The following FIGN variants were observed in gnomAD, a reference collection of about 807,000 sequenced individuals.
The protein encoded by FIGN is fidgetin.
A neutral mutation model predicts 51.3 loss-of-function variants in FIGN; 11 were observed. The observed-to-expected ratio is 0.21, with a 90% CI of 0.13 to 0.35. FIGN has a LOEUF of 0.35. Among genes scored for constraint, FIGN ranks in the 10% least tolerant of loss-of-function variants. FIGN has a pLI of 1.00. For missense variants in FIGN, 857 were observed against 943.6 expected, an observed-to-expected ratio of 0.91 and a Z score of 1.20; for synonymous variants, 407 against 363.2, an observed-to-expected ratio of 1.12 and a Z score of -1.37.
At chr2:163,663,919 T>C (rs1683732741) in intron 2 of FIGN, among the ~76,000 whole-genome samples, 1 of 151,950 alleles carries the variant, frequency 6.6e-6, no homozygotes, top group African/African-American at 2.4e-5. Flanking sequence ...GATAGTTTAC[T>C]CTTTGGCCAG....
chr2:163,618,729 C>A (rs1177796501), intron 2 of FIGN, among the ~76,000 whole-genome samples: 2 of 152,156 alleles, frequency 1.3e-5, no homozygotes, highest in African/African-American at 4.8e-5. Flanking sequence ...TGGGGCATAT[C>A]CTACCCTTTC....
chr2:163,701,169 C>G (rs922514936), intron 2 of FIGN, among the ~76,000 whole-genome samples: 1 of 152,114 alleles, frequency 6.6e-6, no homozygotes, highest in African/African-American at 2.4e-5. Context: ...AAGTCCTCTG[C>G]AACTTCTTAA....
chr2:163,695,723 C>T (rs1318586273), intron 2 of FIGN, among the ~76,000 whole-genome samples: 1 of 152,202 alleles, frequency 6.6e-6, no homozygotes, highest in African/African-American at 2.4e-5. Flanking sequence ...TACTTGTTCA[C>T]AAGTCTGTTG....
intron 2 of FIGN, among the ~76,000 whole-genome samples, chr2:163,645,848 T>C (rs1683373757): frequency 6.6e-6 from 1 of 152,194 alleles, no homozygotes; most frequent in Non-Finnish European, 1.5e-5. Context: ...CATTTTCCAA[T>C]GCTTTGTAAA....
chr2:163,636,970 T>C (rs1683234805), intron 2 of FIGN, among the ~76,000 whole-genome samples: 1 of 151,964 alleles, frequency 6.6e-6, no homozygotes, highest in African/African-American at 2.4e-5. Flanking sequence ...TCCCAGCTAA[T>C]TGAGAGGCTG....
Position 163,668,387 on chromosome 2 carries a change from A to G in FIGN, c.26-56581T>C, listed in dbSNP as rs574016114. On this transcript the variant is annotated intron_variant, in intron 2 of 2. Transcript: ENST00000333129. ...ATCACCCAAACTAAGAGAAGAAACT[A>G]TTTGAAGAAGGAGACAGTGGTCAAC... Among the ~76,000 whole-genome samples the G allele has an allele frequency of 3.3e-5, 5 of 152,286 alleles. No homozygotes were observed. The South Asian group carries it at 1.0e-3, about 32-fold the overall frequency.
chr2:163,679,810 T>C (rs1684031068), intron 2 of FIGN, among the ~76,000 whole-genome samples: 1 of 152,222 alleles, frequency 6.6e-6, no homozygotes, highest in South Asian at 2.1e-4. Flanking sequence ...TTTCAGTTTC[T>C]ACATCTAGTG....
intron 2 of FIGN, among the ~76,000 whole-genome samples, chr2:163,642,141 T>C (rs1683315357): frequency 6.6e-6 from 1 of 152,198 alleles, no homozygotes; most frequent in Non-Finnish European, 1.5e-5. Flanking sequence ...AATGGCTGAG[T>C]CATGACTTCC....
Position 163,610,773 on chromosome 2 carries a change from G to A in FIGN, c.1059C>T (p.Asp353=), listed in dbSNP as rs1691229591. 6.2e-7 allele frequency: 1 copy of A among 1,614,154 alleles called. No individual in the cohort carries two copies. Among genetic ancestry groups the A allele is most frequent in the Non-Finnish European group, 8.5e-7 (1 of 1,180,020 alleles). The part of the protein sequence containing the change: ...STQSPMYRMP[D]NSISNTNRGN... ...CCCGATTTGTGTTTGAAATGCTGTTGTCGGGCATTCTGTACATAGGACTCT... is the reference window on the plus strand; with the variant it reads ...CCCGATTTGTGTTTGAAATGCTGTTATCGGGCATTCTGTACATAGGACTCT... Residue 353 remains aspartate, a synonymous_variant, in exon 3 of 3, where the codon GAC becomes GAT. Coordinates refer to ENST00000333129, the MANE Select transcript of FIGN (RefSeq NM_018086.4).
intron 2 of FIGN, among the ~76,000 whole-genome samples, chr2:163,716,160 A>G (rs1411865078): frequency 6.6e-6 from 1 of 152,234 alleles, no homozygotes; most frequent in Admixed American, 6.5e-5. Flanking sequence ...AGCGTAATGA[A>G]GACATCAAGT....
At chr2:163,733,209 T>C (rs903221711) in intron 2 of FIGN, among the ~76,000 whole-genome samples, 2 of 152,168 alleles carry the variant, frequency 1.3e-5, no homozygotes, top group African/African-American at 4.8e-5. Flanking sequence ...TATGTGACTA[T>C]TATTTAATAG....
At chr2:163,641,407 T>C (rs1362025335) in intron 2 of FIGN, among the ~76,000 whole-genome samples, 2 of 152,220 alleles carry the variant, frequency 1.3e-5, no homozygotes, top group Admixed American at 1.3e-4. Context: ...TTCATATCAC[T>C]GAATCACATA....
At chr2:163,711,015 A>G (rs1322553647) in intron 2 of FIGN, among the ~76,000 whole-genome samples, 3 of 152,178 alleles carry the variant, frequency 2.0e-5, no homozygotes, top group Non-Finnish European at 4.4e-5. Flanking sequence ...GCACACATGC[A>G]CTCACACACA....
chr2:163,620,917 T>A (rs1206325837), intron 2 of FIGN, among the ~76,000 whole-genome samples: 1 of 149,976 alleles, frequency 6.7e-6, no homozygotes, highest in Non-Finnish European at 1.5e-5. Flanking sequence ...CCCAATTTAG[T>A]TATATTTAAA....
intron 2 of FIGN, chr2:163,617,357 G>T: frequency 2.5e-6 from 1 of 406,412 alleles, no homozygotes; most frequent in Non-Finnish European, 3.3e-6. Context: ...TATGTACAAA[G>T]CATTGTGGTT....
At chr2:163,623,951 C>T (rs1442063177) in intron 2 of FIGN, among the ~76,000 whole-genome samples, 2 of 152,004 alleles carry the variant, frequency 1.3e-5, no homozygotes, top group Non-Finnish European at 2.9e-5. Context: ...CTTCCAGAAG[C>T]ATTAAAATGT....
intron 2 of FIGN, among the ~76,000 whole-genome samples, chr2:163,693,096 G>A (rs1684262965): frequency 1.3e-5 from 2 of 152,306 alleles, no homozygotes; most frequent in African/African-American, 4.8e-5. Context: ...CCAGAGCTAT[G>A]TGAACTGGTC....
chr2:163,704,656 T>TCTCTCTCTCTCTCTCTCA (rs72286438), intron 2 of FIGN, among the ~76,000 whole-genome samples: 6 of 129,710 alleles, frequency 4.6e-5, no homozygotes, highest in African/African-American at 1.9e-4. Context: ...TCTCTCTCTC[T>TCTCTCTCTCTCTCTCTCA]CACACACACA....
chr2:163,706,132 T>G (rs1684495674), intron 2 of FIGN, among the ~76,000 whole-genome samples: 1 of 152,162 alleles, frequency 6.6e-6, no homozygotes, highest in South Asian at 2.1e-4. Context: ...TTAATGCTCT[T>G]CTAAAGCTTG....
Sources: allele counts gnomAD v4.1 joint callset (sites outside exome capture counted in the v4.1 genomes callset), GRCh38; gene constraint gnomAD v4.1.1; transcripts MANE v1.5; gene names NCBI Gene and HGNC (gene_info 2026-07-23, HGNC 2026-07-21).